ZCCHC7: variants seen among roughly 807,000 people sequenced by gnomAD.
ZCCHC7 encodes the protein zinc finger CCHC-type containing 7, also known as zinc finger CCHC domain-containing protein 7.
ZCCHC7 carries 35 observed loss-of-function variants against 52.0 expected under a neutral mutation model. The ratio of observed to expected loss-of-function variants is 0.67; its 90% confidence interval spans 0.51 to 0.89. ZCCHC7 has a LOEUF of 0.89. Among genes scored for constraint, ZCCHC7 ranks in the 40% least tolerant of loss-of-function variants. The pLI is 0.00. For missense variants in ZCCHC7, 574 were observed against 649.1 expected, an observed-to-expected ratio of 0.88 and a Z score of 1.26; for synonymous variants, 217 against 221.5, an observed-to-expected ratio of 0.98 and a Z score of 0.18.
At chr9:37,321,046 T>A (rs1588667562) in intron 5 of ZCCHC7, among the ~76,000 whole-genome samples, 1 of 148,212 alleles carries the variant, frequency 6.7e-6, no homozygotes, top group East Asian at 2.0e-4. Flanking sequence ...TGGAGTGCAG[T>A]GGCGTAATCT....
Position 37,132,905 on chromosome 9 carries a change from G to A in ZCCHC7, c.610+5963G>A, listed in dbSNP as rs566333376. On this transcript the variant is annotated intron_variant, in intron 2 of 8. Coordinates refer to ENST00000336755, the MANE Select transcript of ZCCHC7 (RefSeq NM_032226.3). Reference sequence around the variant, plus strand: ...TGTAATCCCGGCACTTTGGGAGGCCGAGGCGGGCGGATCACGAGGTCTGGA... The same window carrying A: ...TGTAATCCCGGCACTTTGGGAGGCCAAGGCGGGCGGATCACGAGGTCTGGA... Among the ~76,000 whole-genome samples, 243 of 152,284 alleles carry A rather than the reference G, an allele frequency of 1.6e-3. 1 individual carries two copies. Among genetic ancestry groups the A allele is most frequent in the African/African-American group, 5.6e-3 (233 of 41,558 alleles).
At chr9:37,314,624 T>A (rs1829730995) in intron 5 of ZCCHC7, among the ~76,000 whole-genome samples, 1 of 152,040 alleles carries the variant, frequency 6.6e-6, no homozygotes, top group Non-Finnish European at 1.5e-5. Context: ...TGCTGACCTT[T>A]ATAGATCCCT....
intron 6 of ZCCHC7, among the ~76,000 whole-genome samples, chr9:37,340,989 T>C (rs1232330582): frequency 6.6e-6 from 1 of 152,224 alleles, no homozygotes; most frequent in Non-Finnish European, 1.5e-5. Flanking sequence ...CTACTGACAT[T>C]ATTCAGATGA....
rs1160518768 is a variant in ZCCHC7, at chr9:37,354,823, A to G, written c.1197A>G (p.Lys399=). ...EREKRLKQKI[K]VLKKNGVIPE... Reference sequence around the variant, plus strand: ...AAAAGAGACTAAAACAAAAAATAAAAGGTATGTTGCTAGACTTCTTGTTAG... The same window carrying G: ...AAAAGAGACTAAAACAAAAAATAAAGGGTATGTTGCTAGACTTCTTGTTAG... Residue 399 remains lysine, a splice_region_variant and synonymous_variant, in exon 8 of 9, where the codon AAA becomes AAG. Coordinates refer to ENST00000336755, the MANE Select transcript of ZCCHC7 (RefSeq NM_032226.3). This position sits in a 1 kb window ranked among gnomAD's most constrained non-coding sequence, Gnocchi z 4.0. The G allele has an allele frequency of 7.6e-6, 12 of 1,585,028 alleles. No individual in the cohort carries two copies. Among genetic ancestry groups the G allele is most frequent in the Non-Finnish European group, 1.0e-5 (12 of 1,156,710 alleles).
In ZCCHC7 at chr9:37,278,034, G is replaced by GTGTGTGTTTTGTTTTGTTTTGTTT. The variant is rs74182939; in HGVS notation, c.611-24151_611-24150insGTGTTTTGTTTTGTTTTGTTTTGT. On this transcript the variant is annotated intron_variant, in intron 2 of 8. Coordinates refer to ENST00000336755, the MANE Select transcript of ZCCHC7 (RefSeq NM_032226.3). Reference sequence around the variant, plus strand: ...TTTGTTTGTGTGTGTGTGTGTGTGTGTGTTTTGTTTTGTTTTGTTTTGTTT... The same window carrying GTGTGTGTTTTGTTTTGTTTTGTTT: ...TTTGTTTGTGTGTGTGTGTGTGTGTGTGTGTGTTTTGTTTTGTTTTGTTTTGTTTTGTTTTGTTTTGTTTTGTTT... 5.5e-3 allele frequency among the ~76,000 whole-genome samples: 791 copies of GTGTGTGTTTTGTTTTGTTTTGTTT among 142,940 alleles called. 2 individuals carry two copies. Among genetic ancestry groups the GTGTGTGTTTTGTTTTGTTTTGTTT allele is most frequent in the African/African-American group, 0.013 (517 of 38,490 alleles). The allele number at this position is 142,940 out of a possible 152,430, so 93.8% of individuals were successfully genotyped here. A position where few individuals can be genotyped will look rare whatever the true frequency, so the allele number is the denominator to read the frequency against.
chr9:37,132,428 A>G lies in ZCCHC7; in HGVS notation c.610+5486A>G, dbSNP rs573168812. On this transcript the variant is annotated intron_variant, in intron 2 of 8. Coordinates refer to ENST00000336755, the MANE Select transcript of ZCCHC7 (RefSeq NM_032226.3). ...TTCAGTGTCCCATAAACCAGCTTCA[A>G]CAGTTACCAATTTATGTCTAATCTT... is the stretch of plus-strand genomic sequence containing the variant. Among the ~76,000 whole-genome samples the G allele has an allele frequency of 9.1e-4, 139 of 152,300 alleles. 1 individual carries two copies. The highest frequency in any genetic ancestry group is 1.5e-3 in the Non-Finnish European group (101 of 68,036).
rs1244236594 is a variant in ZCCHC7 at position 37,304,327 on chromosome 9, G to A, written c.780+14G>A. 2 of 1,611,518 alleles carry A rather than the reference G, an allele frequency of 1.2e-6. No homozygotes were observed. The highest frequency in any genetic ancestry group is 2.7e-5 in the African/African-American group (2 of 74,772). On this transcript the variant is annotated intron_variant, in intron 4 of 8. Transcript: ENST00000336755. Reference sequence around the variant, plus strand: ...CCCTTACCACGAGTACGTGAAATATGCTTTGCTTCTTTCCACATTTGTAAA... The same window carrying A: ...CCCTTACCACGAGTACGTGAAATATACTTTGCTTCTTTCCACATTTGTAAA...
chr9:37,343,620 A>G (rs1290367932), intron 6 of ZCCHC7, among the ~76,000 whole-genome samples: 1 of 152,208 alleles, frequency 6.6e-6, no homozygotes, highest in African/African-American at 2.4e-5. Context: ...ATTCCATGAA[A>G]CTTTTTCTCA....
At chr9:37,239,091 G>A (rs987566293) in intron 2 of ZCCHC7, among the ~76,000 whole-genome samples, 3 of 152,194 alleles carry the variant, frequency 2.0e-5, no homozygotes. Context: ...ATTAGAAAAA[G>A]CCAAAGGACT....
At chr9:37,345,719 CAAA>C (rs34403603) in intron 6 of ZCCHC7, among the ~76,000 whole-genome samples, 1 of 119,098 alleles carries the variant, frequency 8.4e-6, no homozygotes. Context: ...GACTCCATCT[CAAA>C]AAAAAAAAAA....
chr9:37,174,706 T>C (rs1007127090), intron 2 of ZCCHC7, among the ~76,000 whole-genome samples: 1 of 152,182 alleles, frequency 6.6e-6, no homozygotes, highest in African/African-American at 2.4e-5. Flanking sequence ...GGAGAGGGAA[T>C]ATTCTTCCCT....
chr9:37,305,301 C>G (rs1283875848), intron 4 of ZCCHC7, among the ~76,000 whole-genome samples: 13 of 152,072 alleles, frequency 8.5e-5, no homozygotes, highest in Admixed American at 7.2e-4. Context: ...GTCAATATTC[C>G]TATAAGAAGA....
At chr9:37,222,293 G>T (rs1270198384) in intron 2 of ZCCHC7, among the ~76,000 whole-genome samples, 1 of 149,700 alleles carries the variant, frequency 6.7e-6, no homozygotes, top group Non-Finnish European at 1.5e-5. Context: ...AGATAACATA[G>T]AACAGGCCAA....
At chr9:37,258,677 G>C (rs1826709916) in intron 2 of ZCCHC7, among the ~76,000 whole-genome samples, 1 of 146,934 alleles carries the variant, frequency 6.8e-6, no homozygotes, top group Non-Finnish European at 1.5e-5. Context: ...GCTTGAGCCT[G>C]TGAGGTTGAG....
At chr9:37,302,865 ACT>A (rs1019202092) in intron 3 of ZCCHC7, among the ~76,000 whole-genome samples, 10 of 152,090 alleles carry the variant, frequency 6.6e-5, no homozygotes, top group African/African-American at 1.9e-4. Flanking sequence ...GAATTGGGTC[ACT>A]CTGTAGGCAG....
intron 2 of ZCCHC7, among the ~76,000 whole-genome samples, chr9:37,273,355 T>C (rs1243587540): frequency 1.3e-5 from 2 of 152,092 alleles, no homozygotes. Flanking sequence ...TACAAAAAAT[T>C]AGCCAGGCAT....
intron 2 of ZCCHC7, among the ~76,000 whole-genome samples, chr9:37,161,880 C>T (rs906158633): frequency 6.6e-6 from 1 of 152,138 alleles, no homozygotes; most frequent in Non-Finnish European, 1.5e-5. Flanking sequence ...AACAGGTGGA[C>T]ATTAAATCCA....
rs149802071 is a variant in ZCCHC7 at position 37,126,558 on chromosome 9, G to T, written c.226G>T (p.Val76Phe). 2 of 1,614,080 alleles carry T rather than the reference G, an allele frequency of 1.2e-6. No individual in the cohort carries two copies. The highest frequency in any genetic ancestry group is 1.7e-4 in the Middle Eastern group (1 of 6,046). The part of the protein sequence containing the change: ...SSKPNQKKLI[V>F]LSDSEVIQLS... ...TAAACCAAATCAGAAGAAGCTAATC[G>T]TCCTTTCAGATAGTGAGGTCATCCA... Residue 76 changes from valine to phenylalanine, a missense_variant, in exon 2 of 9, where the codon GTC becomes TTC. Physicochemically the swap from Val to Phe is conservative, Grantham distance 50. Around this residue, in one of 3 missense-constraint regions of ZCCHC7, gnomAD observed 403 missense variants for 461.2 expected, o/e 0.87. Transcript: ENST00000336755.
In ZCCHC7 at chr9:37,140,338, A is replaced by G. The variant is rs1843167895; in HGVS notation, c.610+13396A>G. 5.3e-5 allele frequency among the ~76,000 whole-genome samples: 8 copies of G among 152,102 alleles called. No homozygotes were observed. The South Asian group carries it at 1.7e-3, about 31-fold the overall frequency. The stretch of plus-strand genomic sequence containing the variant: ...AATTGAGTATTTTGCTCTTCATTCA[A>G]CACCTCAGCCCTTTTGGTTTGCTTA... On this transcript the variant is annotated intron_variant, in intron 2 of 8. Coordinates refer to ENST00000336755, the MANE Select transcript of ZCCHC7 (RefSeq NM_032226.3).
Sources: allele counts gnomAD v4.1 joint callset (sites outside exome capture counted in the v4.1 genomes callset), GRCh38; gene constraint gnomAD v4.1.1; regional missense constraint gnomAD v4.1.1; non-coding constraint Gnocchi (gnomAD v3.1); transcripts MANE v1.5; gene names NCBI Gene and HGNC (gene_info 2026-07-23, HGNC 2026-07-21).